Variants in ADGRF5 observed in about 807,000 individuals in gnomAD.
ADGRF5 encodes the protein G-protein coupled receptor 116.
ADGRF5 carries 75 observed loss-of-function variants against 132.3 expected under a neutral mutation model. That is an observed-to-expected ratio of 0.57 (90% CI 0.47 to 0.69). The LOEUF is 0.69. Among genes scored for constraint, ADGRF5 ranks in the 30% least tolerant of loss-of-function variants. The probability of loss-of-function intolerance (pLI) is 0.00; values close to 1 mark genes in which losing one functional copy is unlikely to be tolerated. For missense variants in ADGRF5, 1,516 were observed against 1,630.6 expected (o/e 0.93, Z 1.21); for synonymous variants, 629 against 597.6 (o/e 1.05, Z -0.77).
At chr6:46,866,795 T>C in intron 13 of ADGRF5, 130 bp downstream of exon 13, 1 of 605,710 alleles carries the variant, frequency 1.7e-6, no homozygotes, top group Non-Finnish European at 2.9e-6. Flanking sequence ...CAAAGATTCA[T>C]GGGATTCTAC....
At position 46,859,076 on chromosome 6, in the gene ADGRF5, T is replaced by C; in HGVS notation, c.2827A>G (p.Lys943Glu). The C allele has an allele frequency of 6.2e-7, 1 of 1,614,044 alleles. No individual in the cohort carries two copies. The highest frequency in any genetic ancestry group is 8.5e-7 in the Non-Finnish European group (1 of 1,179,896). The change falls in exon 17 of 21, where the codon AAG becomes GAG. Residue 943 changes from lysine (K) to glutamate (E), a missense_variant. Lys to Glu is a moderately conservative substitution (Grantham distance 56). Coordinates refer to ENST00000283296, the MANE Select transcript of ADGRF5 (RefSeq NM_001098518.2). ...TCGCCGCCTGAAGGGCTATTGTTCT[T>C]AAAAGTCATTGAAATCCTGAATGGC... is the stretch of plus-strand genomic sequence containing the variant. ...TMPFRISMTF[K>E]NNSPSGGETK...
chr6:46,934,740 A>T (rs1360957786), intron 1 of ADGRF5, among the ~76,000 whole-genome samples: 1 of 152,044 alleles, frequency 6.6e-6, no homozygotes, highest in Admixed American at 6.6e-5. Flanking sequence ...TTAGAAACTT[A>T]CTCTTGGAAC....
chr6:46,869,864 T>C (rs1054358621), intron 11 of ADGRF5, among the ~76,000 whole-genome samples: 2 of 152,220 alleles, frequency 1.3e-5, no homozygotes, highest in Admixed American at 6.5e-5. Flanking sequence ...AGTATTTATA[T>C]GTAATTAGTT....
intron 1 of ADGRF5, among the ~76,000 whole-genome samples, chr6:46,909,343 C>A (rs1255838043): frequency 1.3e-5 from 2 of 152,204 alleles, no homozygotes; most frequent in Non-Finnish European, 2.9e-5. Context: ...CGATCTCCTT[C>A]TCTTTTTAAA....
Position 46,853,994 on chromosome 6 carries a change from A to G in ADGRF5, c.4039T>C (p.Ter1347GlnextTer18). The change falls in exon 21 of 21, where the codon TAA (stop) becomes CAA (glutamine). Residue 1347 changes from the stop codon to glutamine, a stop_lost. Coordinates refer to ENST00000283296, the MANE Select transcript of ADGRF5 (RefSeq NM_001098518.2). ...ACGTAGGTTGGATTATCCTGTTCTT[A>G]GTTGAGCAACGAAGAAGCACTGGAT... ...NSSSASSLLN[*>Q] is the part of the protein sequence containing the mutation. The G allele has an allele frequency of 3.8e-6, 6 of 1,598,430 alleles. No individual in the cohort carries two copies. Among genetic ancestry groups the G allele is most frequent in the Non-Finnish European group, 5.1e-6 (6 of 1,171,188 alleles).
At chr6:46,895,036 G>T (rs371882631) in intron 3 of ADGRF5, among the ~76,000 whole-genome samples, 1 of 152,056 alleles carries the variant, frequency 6.6e-6, no homozygotes, top group Non-Finnish European at 1.5e-5. Flanking sequence ...AATTAGCTGG[G>T]TGTGGTGGCA....
chr6:46,860,259 C>T (rs1404397171), intron 16 of ADGRF5, among the ~76,000 whole-genome samples: 3 of 152,102 alleles, frequency 2.0e-5, no homozygotes, highest in African/African-American at 7.2e-5. Context: ...TGTTTGTTAA[C>T]CCTGTCTTTA....
intron 1 of ADGRF5, among the ~76,000 whole-genome samples, chr6:46,916,310 C>T (rs968289670): frequency 1.2e-4 from 18 of 152,302 alleles, no homozygotes; most frequent in African/African-American, 4.3e-4. Context: ...TTCAGATCAT[C>T]GAAAACTGAA....
chr6:46,892,256 T>G (rs1773724490), intron 3 of ADGRF5, among the ~76,000 whole-genome samples: 1 of 150,782 alleles, frequency 6.6e-6, no homozygotes, highest in African/African-American at 2.4e-5. Context: ...TGAACCAAAG[T>G]AAATGGGACC....
intron 1 of ADGRF5, among the ~76,000 whole-genome samples, chr6:46,927,246 G>A (rs1038336695): frequency 7.1e-6 from 1 of 141,644 alleles, no homozygotes; most frequent in Non-Finnish European, 1.5e-5. Flanking sequence ...GTACTGAAGA[G>A]TCATCCATGC....
chr6:46,905,518 G>A (rs2150894076), intron 2 of ADGRF5: 1 of 151,954 alleles, frequency 6.6e-6, no homozygotes, highest in Non-Finnish European at 1.5e-5. Flanking sequence ...GCTCAAGTTT[G>A]GTTTAAAAGA....
chr6:46,860,130 G>A (rs774914633), intron 16 of ADGRF5, among the ~76,000 whole-genome samples: 1 of 152,108 alleles, frequency 6.6e-6, no homozygotes, highest in African/African-American at 2.4e-5. Context: ...GACTGGTCCC[G>A]CCTCTAAGTC....
chr6:46,878,288 T>C lies in ADGRF5; in HGVS notation c.1154A>G (p.Asn385Ser), dbSNP rs1412458236. 1.9e-6 allele frequency: 3 copies of C among 1,613,668 alleles called. No individual in the cohort carries two copies. Among genetic ancestry groups the C allele is most frequent in the Non-Finnish European group, 2.5e-6 (3 of 1,179,682 alleles). ...NEEMKVMCDN[N>S]PVSLNCCSQG... is the part of the protein sequence containing the mutation. The stretch of plus-strand genomic sequence containing the variant: ...ACTGCAGCAGTTCAAAGATACAGGA[T>C]TGTTGTCGCACATCACCTTCATTTC... Residue 385 changes from asparagine to serine, a missense_variant, in exon 10 of 21, where the codon AAT becomes AGT. Asn to Ser is a conservative substitution (Grantham distance 46). Around this residue, in one of 2 missense-constraint regions of ADGRF5, gnomAD observed 945 missense variants for 929.4 expected, o/e 1.02. Coordinates refer to ENST00000283296, the MANE Select transcript of ADGRF5 (RefSeq NM_001098518.2).
chr6:46,930,478 G>A (rs1022044998), intron 1 of ADGRF5, among the ~76,000 whole-genome samples: 1 of 151,954 alleles, frequency 6.6e-6, no homozygotes, highest in Non-Finnish European at 1.5e-5. Context: ...GATTTAACAC[G>A]GATGACAGTA....
chr6:46,898,566 G>A (rs759653627), intron 3 of ADGRF5, among the ~76,000 whole-genome samples: 5 of 152,116 alleles, frequency 3.3e-5, no homozygotes, highest in Non-Finnish European at 5.9e-5. Context: ...AAAGGGAAGA[G>A]AAAGGGAGAG....
intron 12 of ADGRF5, among the ~76,000 whole-genome samples, chr6:46,867,773 G>C (rs1431723790): frequency 7.1e-6 from 1 of 141,394 alleles, no homozygotes; most frequent in Non-Finnish European, 1.5e-5. Flanking sequence ...GCAAAGAAAG[G>C]AAACTCCTTT....
chr6:46,885,753 C>T (rs1222766617), intron 4 of ADGRF5, among the ~76,000 whole-genome samples: 2 of 152,114 alleles, frequency 1.3e-5, no homozygotes, highest in Admixed American at 6.5e-5. Context: ...TAGAGCATAC[C>T]TCTATTTGTA....
intron 10 of ADGRF5, among the ~76,000 whole-genome samples, chr6:46,872,252 C>T (rs538941577): frequency 1.3e-5 from 2 of 152,254 alleles, no homozygotes; most frequent in African/African-American, 4.8e-5. Context: ...CACTTAACCA[C>T]CTTGTGCTTC....
At chr6:46,881,877 T>C (rs992331928) in intron 7 of ADGRF5, among the ~76,000 whole-genome samples, 172 bp downstream of exon 7, 4 of 152,224 alleles carry the variant, frequency 2.6e-5, no homozygotes, top group Non-Finnish European at 4.4e-5. Context: ...TCTTTTTCTC[T>C]CTTTCTTTTA....
Sources: gnomAD v4.1 joint callset for allele counts (sites outside exome capture counted in the v4.1 genomes callset) on GRCh38, gnomAD v4.1.1 for gene constraint, gnomAD v4.1.1 regional missense constraint, MANE v1.5 for transcripts, NCBI Gene and HGNC (gene_info 2026-07-23, HGNC 2026-07-21) for gene names.